Variants in CAST observed in about 807,000 individuals in gnomAD.
The protein encoded by CAST is MIR583 host.
Under a neutral mutation model 119.6 loss-of-function variants are expected in CAST, and 76 were observed. That is an observed-to-expected ratio of 0.64 (90% CI 0.53 to 0.77). The LOEUF (loss-of-function observed/expected upper bound fraction) is 0.77, where lower values mean the gene tolerates loss of function less well. CAST is among the 30% of genes least tolerant of loss of function. CAST has a pLI of 0.00. For synonymous variants in CAST, 319 were observed against 331.6 expected (o/e 0.96, Z 0.41); for missense variants, 953 against 946.5 (o/e 1.01, Z -0.09).
At chr5:96,304,912 C>T in the CAST span, among the ~76,000 whole-genome samples, 1,420 of 152,096 alleles carry the variant, frequency 9.3e-3, 27 homozygotes, top group African/African-American at 0.033. Context: ...CTTTTTGCTT[C>T]GGCTTTTCTT....
the CAST span, among the ~76,000 whole-genome samples, chr5:96,172,655 G>A: frequency 1.3e-5 from 2 of 152,204 alleles, no homozygotes; most frequent in Admixed American, 1.3e-4. Context: ...AAAAGACAGA[G>A]GGAGAACAAT....
At chr5:96,149,730 A>G in the CAST span, among the ~76,000 whole-genome samples, 2 of 152,238 alleles carry the variant, frequency 1.3e-5, no homozygotes, top group Non-Finnish European at 2.9e-5. Context: ...TTGCATGTCT[A>G]GACAAAGAAT....
chr5:96,501,131 C>G, the CAST span, among the ~76,000 whole-genome samples: 1 of 152,072 alleles, frequency 6.6e-6, no homozygotes, highest in South Asian at 2.1e-4. Context: ...ATGGCCATAT[C>G]TAGATTAAAA....
chr5:96,617,485 T>C (rs778255213), intron 1 of CAST, among the ~76,000 whole-genome samples: 10 of 152,112 alleles, frequency 6.6e-5, no homozygotes, highest in Non-Finnish European at 1.3e-4. Flanking sequence ...GCATCAATAA[T>C]ATTGCTTTTA....
At chr5:96,684,881 T>C (rs942611122) in intron 2 of CAST, among the ~76,000 whole-genome samples, 1 of 152,100 alleles carries the variant, frequency 6.6e-6, no homozygotes, top group Non-Finnish European at 1.5e-5. Context: ...TATGCATCAC[T>C]ATTCAATGAG....
At chr5:96,202,728 C>T in the CAST span, among the ~76,000 whole-genome samples, 1 of 152,020 alleles carries the variant, frequency 6.6e-6, no homozygotes, top group Non-Finnish European at 1.5e-5. Context: ...AAGTTTTACT[C>T]ATTCAGCTGC....
At chr5:96,224,092 C>G in the CAST span, among the ~76,000 whole-genome samples, 1 of 152,146 alleles carries the variant, frequency 6.6e-6, no homozygotes, top group Admixed American at 6.5e-5. Flanking sequence ...CATAATGTTA[C>G]CCAGCACAAA....
chr5:96,392,948 C>T, the CAST span: 4 of 1,589,236 alleles, frequency 2.5e-6, no homozygotes, highest in East Asian at 2.2e-5. Flanking sequence ...CAGGCAAAAT[C>T]GCAGGGTAAG....
chr5:96,090,241 C>G, the CAST span, among the ~76,000 whole-genome samples: 1 of 152,148 alleles, frequency 6.6e-6, no homozygotes, highest in South Asian at 2.1e-4. Context: ...TTCCTTTGTC[C>G]TTCTTGAGAG....
At chr5:96,685,187 G>C (rs553281264) in intron 2 of CAST, among the ~76,000 whole-genome samples, 1 of 152,036 alleles carries the variant, frequency 6.6e-6, no homozygotes, top group South Asian at 2.1e-4. Flanking sequence ...ATATTTTATT[G>C]CTTGTGGAAT....
At chr5:95,990,314 C>A in the CAST span, among the ~76,000 whole-genome samples, 1 of 151,918 alleles carries the variant, frequency 6.6e-6, no homozygotes, top group African/African-American at 2.4e-5. Context: ...AGGAAGTTTC[C>A]TTATCAATAG....
the CAST span, among the ~76,000 whole-genome samples, chr5:96,053,805 T>C: frequency 6.6e-6 from 1 of 152,244 alleles, no homozygotes; most frequent in East Asian, 1.9e-4. Flanking sequence ...ATTTACCTAC[T>C]GTCTTATAAA....
chr5:96,741,586 G>A lies in CAST; in HGVS notation c.1098+6G>A. The A allele has an allele frequency of 6.3e-7, 1 of 1,598,024 alleles. No individual in the cohort carries two copies. Among genetic ancestry groups the A allele is most frequent in the Non-Finnish European group, 8.6e-7 (1 of 1,165,518 alleles). On this transcript the variant is annotated splice_donor_region_variant and intron_variant, in intron 15 of 31. Coordinates refer to ENST00000675179, the MANE Select transcript of CAST (RefSeq NM_001750.7). The stretch of plus-strand genomic sequence containing the variant: ...AGAAAAGAAAGGTGGAGAAGGTATA[G>A]TCACAGTCTACCTGACAGCAGTTGC...
At chr5:96,349,843 G>GGA in the CAST span, among the ~76,000 whole-genome samples, 1 of 151,992 alleles carries the variant, frequency 6.6e-6, no homozygotes, top group South Asian at 2.1e-4. Context: ...AAGTTGGAAT[G>GGA]GAGAGAGAGA....
the CAST span, among the ~76,000 whole-genome samples, chr5:96,361,077 T>C: frequency 6.6e-6 from 1 of 152,194 alleles, no homozygotes; most frequent in African/African-American, 2.4e-5. Context: ...GTGGCTTTGC[T>C]GAACTGCGGT....
chr5:96,353,743 A>G, the CAST span, among the ~76,000 whole-genome samples: 1 of 152,164 alleles, frequency 6.6e-6, no homozygotes, highest in Non-Finnish European at 1.5e-5. Context: ...CCCCTACCCA[A>G]GGCTTTCAGC....
intron 1 of CAST, among the ~76,000 whole-genome samples, chr5:96,617,528 G>C (rs987636052): frequency 4.1e-4 from 63 of 152,006 alleles, no homozygotes; most frequent in Non-Finnish European, 7.4e-4. Flanking sequence ...GGTGGCTCAT[G>C]CCTGTAATCC....
chr5:96,508,968 T>G, the CAST span, among the ~76,000 whole-genome samples: 1 of 152,204 alleles, frequency 6.6e-6, no homozygotes, highest in East Asian at 1.9e-4. Context: ...AATAACATTT[T>G]CTATTTCAGA....
chr5:96,350,324 T>C, the CAST span, among the ~76,000 whole-genome samples: 1 of 152,032 alleles, frequency 6.6e-6, no homozygotes, highest in African/African-American at 2.4e-5. Flanking sequence ...GAGAAGGAGG[T>C]AGAGGAATAG....
Sources: allele counts gnomAD v4.1 joint callset (sites outside exome capture counted in the v4.1 genomes callset), GRCh38; gene constraint gnomAD v4.1.1; transcripts MANE v1.5; gene names NCBI Gene and HGNC (gene_info 2026-07-23, HGNC 2026-07-21).